The following RUNX1 variants were observed in gnomAD, a reference collection of about 807,000 sequenced individuals.
RUNX1 encodes the protein runt-related transcription factor 1.
A neutral mutation model predicts 42.8 loss-of-function variants in RUNX1; 19 were observed. That is an observed-to-expected ratio of 0.44 (90% confidence interval 0.31 to 0.65). The LOEUF is 0.65. RUNX1 is among the 30% of genes least tolerant of loss of function. RUNX1 has a pLI of 0.07. For synonymous variants in RUNX1, 271 were observed against 289.4 expected (o/e 0.94, Z 0.64); for missense variants, 528 against 672.0 (o/e 0.79, Z 2.37).
At chr21:35,046,777 A>G (rs2059398997) in intron 2 of RUNX1, among the ~76,000 whole-genome samples, 1 of 152,086 alleles carries the variant, frequency 6.6e-6, no homozygotes, top group Non-Finnish European at 1.5e-5. Context: ...AAATCTCAAT[A>G]TTATATTACC....
chr21:34,814,252 C>T (rs1036913429), intron 7 of RUNX1, among the ~76,000 whole-genome samples: 2 of 152,140 alleles, frequency 1.3e-5, no homozygotes, highest in African/African-American at 4.8e-5. Context: ...TGTAAATGTA[C>T]AAATAACCCA....
chr21:34,844,031 C>G (rs1202336176), intron 6 of RUNX1, among the ~76,000 whole-genome samples: 2 of 152,082 alleles, frequency 1.3e-5, no homozygotes, highest in Non-Finnish European at 2.9e-5. Flanking sequence ...TTCTACCAGC[C>G]TATAATCCCA....
At chr21:34,960,618 C>A (rs568328246) in intron 2 of RUNX1, among the ~76,000 whole-genome samples, 13 of 152,362 alleles carry the variant, frequency 8.5e-5, no homozygotes, top group African/African-American at 2.9e-4. Flanking sequence ...CATTCTGAGA[C>A]TTGCCCAGCC....
chr21:34,829,510 G>A (rs543146895), intron 7 of RUNX1, among the ~76,000 whole-genome samples: 9 of 151,936 alleles, frequency 5.9e-5, no homozygotes, highest in Admixed American at 1.3e-4. Context: ...GCTTGTTGTC[G>A]GGGTAAGATT....
At position 34,850,443 on chromosome 21, in the gene RUNX1, C is replaced by T. The variant is rs1302939330; in HGVS notation, c.613+9031G>A. Among the ~76,000 whole-genome samples, 3 of 152,208 alleles carry T rather than the reference C, an allele frequency of 2.0e-5. No individual in the cohort carries two copies. In the East Asian group the frequency reaches 5.8e-4, roughly 29 times the overall value. ...AGAGATCCCAGGCACGCTTGGGAGACACACTGCATTTGCCTAGTACAAGAA... is the reference window on the plus strand; with the variant it reads ...AGAGATCCCAGGCACGCTTGGGAGATACACTGCATTTGCCTAGTACAAGAA... On this transcript the variant is annotated intron_variant, in intron 6 of 8. Transcript: ENST00000675419.
In RUNX1 at chr21:35,018,860, C is replaced by T. The variant is rs192116855; in HGVS notation, c.58+29982G>A. Among the ~76,000 whole-genome samples the T allele has an allele frequency of 5.9e-5, 9 of 152,290 alleles. No homozygotes were observed. In the East Asian group the frequency reaches 1.4e-3, roughly 23 times the overall value. ...TGCCCAACGATCTGCAGTGAACCTG[C>T]ATGAGATCAGGAACCCCTCAGGAAT... On this transcript the variant is annotated intron_variant, in intron 2 of 8. Coordinates refer to ENST00000675419, the MANE Select transcript of RUNX1 (RefSeq NM_001754.5).
intron 2 of RUNX1, among the ~76,000 whole-genome samples, chr21:34,959,796 A>G (rs1217754129): frequency 1.3e-5 from 2 of 152,186 alleles, no homozygotes; most frequent in Non-Finnish European, 2.9e-5. Flanking sequence ...CCTAAAGCTG[A>G]TAAGCCTAGT....
intron 2 of RUNX1, among the ~76,000 whole-genome samples, chr21:35,015,762 A>C (rs2059154824): frequency 6.6e-6 from 1 of 152,224 alleles, no homozygotes; most frequent in Non-Finnish European, 1.5e-5. Context: ...CACTAACTTC[A>C]CAAGAACTCT....
At chr21:34,918,992 T>C (rs2058333901) in intron 2 of RUNX1, among the ~76,000 whole-genome samples, 1 of 152,228 alleles carries the variant, frequency 6.6e-6, no homozygotes, top group Non-Finnish European at 1.5e-5. Context: ...TAATGTTTAG[T>C]ATATGCCAGA....
chr21:34,966,941 T>G (rs56662274), intron 2 of RUNX1, among the ~76,000 whole-genome samples: 2,180 of 151,754 alleles, frequency 0.014, 48 homozygotes, highest in African/African-American at 0.05. Context: ...GTCCTAAGAG[T>G]AAGGGCATAT....
intron 5 of RUNX1, among the ~76,000 whole-genome samples, chr21:34,878,182 A>AG (rs2057842036): frequency 6.7e-6 from 1 of 150,346 alleles, no homozygotes; most frequent in Non-Finnish European, 1.5e-5. Flanking sequence ...AAAAAAAAAA[A>AG]AAGAAGAAGA....
intron 7 of RUNX1, among the ~76,000 whole-genome samples, chr21:34,825,626 T>C (rs2056975815): frequency 6.6e-6 from 1 of 152,228 alleles, no homozygotes; most frequent in Non-Finnish European, 1.5e-5. Context: ...TGGACTCACC[T>C]GCTGTGCCTG....
intron 5 of RUNX1, among the ~76,000 whole-genome samples, chr21:34,878,935 A>T (rs2057855897): frequency 6.6e-6 from 1 of 152,236 alleles, no homozygotes; most frequent in Non-Finnish European, 1.5e-5. Flanking sequence ...TAACTTGAAG[A>T]CCCACACAGA....
chr21:34,822,119 A>G (rs549176513), intron 7 of RUNX1, among the ~76,000 whole-genome samples: 1 of 152,310 alleles, frequency 6.6e-6, no homozygotes, highest in South Asian at 2.1e-4. Flanking sequence ...ATTCACGGGA[A>G]CTGCAGTATC....
At chr21:34,878,828 A>C (rs2057854073) in intron 5 of RUNX1, among the ~76,000 whole-genome samples, 1 of 152,238 alleles carries the variant, frequency 6.6e-6, no homozygotes, top group Non-Finnish European at 1.5e-5. Context: ...TCACTGGTTT[A>C]CTGTGCATTG....
At chr21:34,850,705 G>T (rs1190084557) in intron 6 of RUNX1, among the ~76,000 whole-genome samples, 3 of 151,932 alleles carry the variant, frequency 2.0e-5, no homozygotes, top group Non-Finnish European at 4.4e-5. Flanking sequence ...TGTTTCCAGG[G>T]CCCATGCTAT....
At chr21:34,980,858 G>A (rs2058841347) in intron 2 of RUNX1, among the ~76,000 whole-genome samples, 1 of 152,162 alleles carries the variant, frequency 6.6e-6, no homozygotes, top group Non-Finnish European at 1.5e-5. Flanking sequence ...CACAGAACCT[G>A]GAATCATCAG....
intron 3 of RUNX1, among the ~76,000 whole-genome samples, chr21:34,892,639 G>A (rs1320812935): frequency 6.6e-6 from 1 of 152,160 alleles, no homozygotes; most frequent in Non-Finnish European, 1.5e-5. Context: ...GCTCTGTTTT[G>A]TTTTTAGAGA....
chr21:34,831,823 T>G (rs1185451418), intron 7 of RUNX1, among the ~76,000 whole-genome samples: 1 of 152,016 alleles, frequency 6.6e-6, no homozygotes, highest in Non-Finnish European at 1.5e-5. Flanking sequence ...ATATTATACC[T>G]GTTAACTTTC....
Sources: gnomAD v4.1 joint callset for allele counts (sites outside exome capture counted in the v4.1 genomes callset) on GRCh38, gnomAD v4.1.1 for gene constraint, MANE v1.5 for transcripts, NCBI Gene and HGNC (gene_info 2026-07-23, HGNC 2026-07-21) for gene names.